The following MAP3K8 variants were observed in gnomAD, a reference collection of about 807,000 sequenced individuals.
The protein encoded by MAP3K8 is mitogen-activated protein kinase kinase kinase 8.
MAP3K8 carries 22 observed loss-of-function variants against 45.8 expected under a neutral mutation model. That is an observed-to-expected ratio of 0.48 (90% confidence interval 0.34 to 0.69). The LOEUF (loss-of-function observed/expected upper bound fraction) is 0.69, where lower values mean the gene tolerates loss of function less well. Among genes scored for constraint, MAP3K8 ranks in the 30% least tolerant of loss-of-function variants. MAP3K8 has a pLI of 0.01. For synonymous variants in MAP3K8, 223 were observed against 214.3 expected, an observed-to-expected ratio of 1.04 and a Z score of -0.36; for missense variants, 419 against 585.0, an observed-to-expected ratio of 0.72 and a Z score of 2.93.
intron 3 of MAP3K8, 53 bp downstream of exon 3, chr10:30,439,327 G>A (rs751620889): frequency 6.2e-7 from 1 of 1,601,384 alleles, no homozygotes; most frequent in African/African-American, 1.3e-5. Flanking sequence ...TCCTACTGCA[G>A]CTTCATTTAA....
chr10:30,459,291 G>A lies in MAP3K8; in HGVS notation c.1063G>A (p.Asp355Asn). ...AGCACCTCCACTGGAAGACATTGCA[G>A]ATGACTGCAGTCCAGGGATGAGAGA... is the stretch of plus-strand genomic sequence containing the variant. ...KQAPPLEDIA[D>N]DCSPGMRELI... Residue 355 changes from aspartate to asparagine, a missense_variant, in exon 8 of 9, where the codon GAT (aspartate) becomes AAT (asparagine). Coordinates refer to ENST00000263056, the MANE Select transcript of MAP3K8 (RefSeq NM_005204.4). The A allele has an allele frequency of 6.2e-7, 1 of 1,614,194 alleles. No homozygotes were observed. Among genetic ancestry groups the A allele is most frequent in the Non-Finnish European group, 8.5e-7 (1 of 1,180,034 alleles).
In MAP3K8 at chr10:30,458,196, A is replaced by C; in HGVS notation, c.986A>C (p.Lys329Thr). The C allele has an allele frequency of 6.5e-7, 1 of 1,549,526 alleles. No individual in the cohort carries two copies. ...HMQTGTPPWV[K>T]RYPRSAYPSY... ...CAGACGGGCACCCCACCCTGGGTGA[A>C]GCGCTACCCTCGCTCAGCCTATCCC... Residue 329 changes from lysine to threonine, a missense_variant, in exon 7 of 9, where the codon AAG (lysine) becomes ACG (threonine). Physicochemically the swap from Lys to Thr is moderately conservative, Grantham distance 78 (BLOSUM62 -1). Coordinates refer to ENST00000263056, the MANE Select transcript of MAP3K8 (RefSeq NM_005204.4).
rs374430565 is a variant in MAP3K8, at chr10:30,439,035, C to G, written c.97C>G (p.Leu33Val). Residue 33 changes from leucine (L) to valine (V), a missense_variant, in exon 3 of 9, where the codon CTT becomes GTT. Transcript: ENST00000263056. ...VSDVIDIMENLYASEEPAVYE... is the reference protein window; with the variant it reads ...VSDVIDIMENVYASEEPAVYE... Reference sequence around the variant, plus strand: ...TGATGTAATAGACATTATGGAAAATCTTTATGCAAGTGAAGAGCCAGCAGT... The same window carrying G: ...TGATGTAATAGACATTATGGAAAATGTTTATGCAAGTGAAGAGCCAGCAGT... 23 of 1,613,624 alleles carry G rather than the reference C, an allele frequency of 1.4e-5. No individual in the cohort carries two copies. Among genetic ancestry groups the G allele is most frequent in the Non-Finnish European group, 1.9e-5 (22 of 1,179,700 alleles).
intron 7 of MAP3K8, 110 bp from the exon 8 acceptor site, chr10:30,459,145 G>C (rs568136874): frequency 8.6e-7 from 1 of 1,163,016 alleles, no homozygotes; most frequent in African/African-American, 1.5e-5. Flanking sequence ...ATTCGTTGCA[G>C]GGCATGTGGT....
In MAP3K8 at chr10:30,459,373, T is replaced by A; in HGVS notation, c.1145T>A (p.Leu382Gln). The change falls in exon 8 of 9, where the codon CTA (leucine) becomes CAA (glutamine). Residue 382 changes from leucine (L) to glutamine (Q), a missense_variant. Transcript: ENST00000263056. ...NPNHRPRAAD[L>Q]LKHEALNPPR... ...AATCACCGCCCAAGAGCCGCAGACCTACTAAAACATGAGGCCCTGAACCCG... is the reference window on the plus strand; with the variant it reads ...AATCACCGCCCAAGAGCCGCAGACCAACTAAAACATGAGGCCCTGAACCCG... 6.2e-7 allele frequency: 1 copy of A among 1,614,106 alleles called. No individual in the cohort carries two copies. Among genetic ancestry groups the A allele is most frequent in the Non-Finnish European group, 8.5e-7 (1 of 1,180,022 alleles).
chr10:30,439,594 G>C, intron 3 of MAP3K8: 1 of 437,654 alleles, frequency 2.3e-6, no homozygotes, highest in South Asian at 4.5e-5. Context: ...TGGATCACTT[G>C]AGGTCAGCAA....
chr10:30,447,984 T>G, intron 4 of MAP3K8, 35 bp downstream of exon 4: 1 of 1,553,578 alleles, frequency 6.4e-7, no homozygotes, highest in East Asian at 2.3e-5. Context: ...CCACACTGTG[T>G]GTTTGGCATT....
intron 1 of MAP3K8, among the ~76,000 whole-genome samples, chr10:30,435,313 T>TC (rs1835876660): frequency 2.0e-5 from 3 of 152,116 alleles, no homozygotes; most frequent in African/African-American, 7.2e-5. Context: ...CGCCCCCAGC[T>TC]CTCTGCGACG....
chr10:30,446,291 A>G (rs1215557518), intron 3 of MAP3K8, among the ~76,000 whole-genome samples: 1 of 152,142 alleles, frequency 6.6e-6, no homozygotes, highest in East Asian at 1.9e-4. Context: ...TCCCAGAACT[A>G]TAGGAGGCTG....
chr10:30,443,144 C>A (rs887535087), intron 3 of MAP3K8, among the ~76,000 whole-genome samples: 5 of 152,068 alleles, frequency 3.3e-5, no homozygotes, highest in African/African-American at 1.2e-4. Flanking sequence ...GACGATGGGT[C>A]CTGAATTAAA....
intron 3 of MAP3K8, 168 bp downstream of exon 3, chr10:30,439,442 A>AT (rs1192592726): frequency 1.6e-6 from 2 of 1,264,318 alleles, no homozygotes; most frequent in East Asian, 5.1e-5. Flanking sequence ...CAAAAAAAAA[A>AT]GTCTTCATTA....
intron 6 of MAP3K8, among the ~76,000 whole-genome samples, chr10:30,455,233 T>G (rs1836695338): frequency 6.6e-6 from 1 of 152,200 alleles, no homozygotes; most frequent in Non-Finnish European, 1.5e-5. Flanking sequence ...AGTTGAAGTT[T>G]GATAATGAAC....
chr10:30,452,329 CGTG>C (rs796444312), intron 6 of MAP3K8, among the ~76,000 whole-genome samples: 139 of 151,994 alleles, frequency 9.1e-4, no homozygotes, highest in African/African-American at 3.3e-3. Flanking sequence ...ATTAACCAGG[CGTG>C]GTGGCGGGCA....
At chr10:30,455,459 T>C (rs1002765829) in intron 6 of MAP3K8, among the ~76,000 whole-genome samples, 1 of 152,220 alleles carries the variant, frequency 6.6e-6, no homozygotes, top group African/African-American at 2.4e-5. Context: ...TCTCTAAGCA[T>C]TGGTATTCAG....
At chr10:30,451,794 G>A (rs1158768197) in intron 6 of MAP3K8, 50 bp downstream of exon 6, 2 of 1,026,138 alleles carry the variant, frequency 1.9e-6, no homozygotes, top group African/African-American at 1.6e-5. Context: ...GAATAAAAAG[G>A]AAAAAATGTT....
rs775953433 is a variant in MAP3K8 at position 30,458,174 on chromosome 10, A to G, written c.964A>G (p.Thr322Ala). The G allele has an allele frequency of 5.2e-6, 8 of 1,552,136 alleles. No individual in the cohort carries two copies. In the Admixed American group the frequency reaches 5.5e-5, roughly 11 times the overall value. Residue 322 changes from threonine to alanine, a missense_variant, in exon 7 of 9, where the codon ACG becomes GCG. Around this residue, in one of 3 missense-constraint regions of MAP3K8, gnomAD observed 209 missense variants for 367.3 expected, o/e 0.57. Coordinates refer to ENST00000263056, the MANE Select transcript of MAP3K8 (RefSeq NM_005204.4). ...SLGATLIHMQ[T>A]GTPPWVKRYP... ...GGGGGCCACGCTCATCCACATGCAG[A>G]CGGGCACCCCACCCTGGGTGAAGCG...
chr10:30,438,974 A>C lies in MAP3K8; in HGVS notation c.36A>C (p.Glu12Asp). Residue 12 changes from glutamate to aspartate, a missense_variant, in exon 3 of 9, where the codon GAA becomes GAC. Physicochemically the swap from Glu to Asp is conservative, Grantham distance 45 (BLOSUM62 2). Transcript: ENST00000263056. ...EYMSTGSDNK[E>D]EIDLLIKHLN... ...TGAGCACTGGAAGTGACAATAAAGA[A>C]GAGATTGATTTATTAATTAAACATT... is the stretch of plus-strand genomic sequence containing the variant. The C allele has an allele frequency of 6.2e-7, 1 of 1,612,060 alleles. No individual in the cohort carries two copies.
intron 6 of MAP3K8, among the ~76,000 whole-genome samples, chr10:30,452,315 C>T (rs1336171383): frequency 6.6e-6 from 1 of 151,884 alleles, no homozygotes; most frequent in Non-Finnish European, 1.5e-5. Context: ...ACTAAAAATA[C>T]AAAATTAACC....
chr10:30,434,960 A>G (rs1381929546), intron 1 of MAP3K8, among the ~76,000 whole-genome samples: 1 of 152,216 alleles, frequency 6.6e-6, no homozygotes, highest in East Asian at 1.9e-4. Context: ...TCATAGCAGA[A>G]CACGAAGGCT....
Sources: gnomAD v4.1 joint callset for allele counts (sites outside exome capture counted in the v4.1 genomes callset) on GRCh38, gnomAD v4.1.1 for gene constraint, gnomAD v4.1.1 regional missense constraint, MANE v1.5 for transcripts, NCBI Gene and HGNC (gene_info 2026-07-23, HGNC 2026-07-21) for gene names.